Variants in ABL1 observed in about 807,000 individuals in gnomAD.
The protein encoded by ABL1 is ABL proto-oncogene 1, non-receptor tyrosine kinase, also known as tyrosine-protein kinase ABL1.
In ABL1, 11 loss-of-function variants were observed where a neutral mutation model predicts 94.7. The ratio of observed to expected loss-of-function variants is 0.12; its 90% CI spans 0.07 to 0.19. The LOEUF (loss-of-function observed/expected upper bound fraction) is 0.19. Among genes scored for constraint, ABL1 ranks in the 10% least tolerant of loss-of-function variants. The pLI is 1.00. For synonymous variants in ABL1, 656 were observed against 622.4 expected (o/e 1.05, Z -0.80); for missense variants, 1,082 against 1,489.4 (o/e 0.73, Z 4.50).
At chr9:130,796,920 C>CAAAAAAAAAAAA (rs10607745) in intron 1 of ABL1, among the ~76,000 whole-genome samples, 3 of 60,764 alleles carry the variant, frequency 4.9e-5, no homozygotes, top group African/African-American at 1.7e-4. Context: ...AACTTCATCT[C>CAAAAAAAAAAAA]AAAAAAAAAA....
intron 1 of ABL1, among the ~76,000 whole-genome samples, chr9:130,757,759 T>C (rs1265160718): frequency 6.6e-6 from 1 of 152,030 alleles, no homozygotes; most frequent in East Asian, 1.9e-4. Flanking sequence ...GCCAGGCTAG[T>C]CTCGATCTCC....
rs1194508848 is a variant in ABL1 at position 130,762,141 on chromosome 9, G to T, written c.136+47686G>T. On this transcript the variant is annotated intron_variant, in intron 1 of 10. Transcript: ENST00000372348. ...CTGGGCAACAAGAGCGAAACTCCCA[G>T]CTCAAAAAAAAAAAAAAATTCACAA... Among the ~76,000 whole-genome samples, 4 of 15,842 alleles carry T rather than the reference G, an allele frequency of 2.5e-4. No homozygotes were observed. The South Asian group carries it at 0.015, about 58-fold the overall frequency. 10.4% of individuals were successfully genotyped at this position (15,842 alleles called of 152,430 possible). A position where few individuals can be genotyped will look rare whatever the true frequency, so the allele number is the denominator to read the frequency against.
intron 1 of ABL1, among the ~76,000 whole-genome samples, chr9:130,802,112 A>C (rs1554765252): frequency 1.1e-5 from 1 of 87,484 alleles, no homozygotes; most frequent in Admixed American, 1.1e-4. Context: ...TTTTTTTTTG[A>C]AATGGTCTCT....
At chr9:130,827,964 T>TAA (rs61348238) in intron 1 of ABL1, among the ~76,000 whole-genome samples, 40 of 146,264 alleles carry the variant, frequency 2.7e-4, no homozygotes, top group African/African-American at 2.5e-4. Context: ...AAATACTGCT[T>TAA]AAAAAAAAAA....
intron 1 of ABL1, among the ~76,000 whole-genome samples, chr9:130,779,368 A>G (rs1294560841): frequency 1.3e-5 from 2 of 152,222 alleles, no homozygotes; most frequent in African/African-American, 4.8e-5. Context: ...CATGATGGCA[A>G]GGTTGTTTAC....
chr9:130,761,348 G>A (rs1174109765), intron 1 of ABL1, among the ~76,000 whole-genome samples: 1 of 152,034 alleles, frequency 6.6e-6, no homozygotes, highest in Non-Finnish European at 1.5e-5. Flanking sequence ...TGGGAGAATG[G>A]CATCTCTCTT....
At chr9:130,883,861 C>A in intron 10 of ABL1, 108 bp from the exon 11 acceptor site, 1 of 1,359,226 alleles carries the variant, frequency 7.4e-7, no homozygotes, top group Non-Finnish European at 1.0e-6. Flanking sequence ...CACTCTGTCT[C>A]CTGGGCTGGA....
At chr9:130,810,056 T>C (rs976486454) in intron 1 of ABL1, among the ~76,000 whole-genome samples, 1 of 152,168 alleles carries the variant, frequency 6.6e-6, no homozygotes, top group Non-Finnish European at 1.5e-5. Context: ...AATTACTAGG[T>C]ATGAGCAGAA....
chr9:130,732,443 G>A (rs1323160710), intron 1 of ABL1, among the ~76,000 whole-genome samples: 1 of 152,140 alleles, frequency 6.6e-6, no homozygotes. Context: ...GGAGCCAGCA[G>A]TATCCTTTAT....
intron 1 of ABL1, chr9:130,724,637 C>T (rs1168309233): frequency 3.9e-6 from 1 of 254,290 alleles, no homozygotes; most frequent in Non-Finnish European, 8.2e-6. Flanking sequence ...TGGTGAAAAC[C>T]CATCTTTACT....
In ABL1 at chr9:130,884,130, C is replaced by T. The variant is rs2133034871; in HGVS notation, c.1840C>T (p.Pro614Ser). The T allele has an allele frequency of 6.2e-7, 1 of 1,613,712 alleles. No homozygotes were observed. The highest frequency in any genetic ancestry group is 8.5e-7 in the Non-Finnish European group (1 of 1,180,048). ...GAAGAAGAAGAAGACAGCCCCAACC[C>T]CTCCCAAACGCAGCAGCTCCTTCCG... ...IKKKKKTAPT[P>S]PKRSSSFREM... Residue 614 changes from proline to serine, a missense_variant, in exon 11 of 11, where the codon CCT (proline) becomes TCT (serine). Coordinates refer to ENST00000318560, the MANE Select transcript of ABL1 (RefSeq NM_005157.6). The surrounding 1 kb of genome is among the most constrained non-coding windows in gnomAD (Gnocchi z 5.6).
intron 1 of ABL1, among the ~76,000 whole-genome samples, chr9:130,722,508 G>A (rs1476820765): frequency 6.6e-6 from 1 of 152,152 alleles, no homozygotes; most frequent in Non-Finnish European, 1.5e-5. Context: ...CTTTATTTTA[G>A]AGACAGGGTC....
intron 1 of ABL1, among the ~76,000 whole-genome samples, chr9:130,779,824 C>T (rs1204103756): frequency 6.6e-6 from 1 of 152,098 alleles, no homozygotes; most frequent in East Asian, 1.9e-4. Flanking sequence ...GGTGAAGTTG[C>T]ATCTGATTTT....
At chr9:130,771,860 C>CA (rs1832257550) in intron 1 of ABL1, among the ~76,000 whole-genome samples, 1 of 151,242 alleles carries the variant, frequency 6.6e-6, no homozygotes, top group Non-Finnish European at 1.5e-5. Context: ...CTCAAGCAAT[C>CA]CTCCCACCTC....
At position 130,885,541 on chromosome 9, in the gene ABL1, G is replaced by A. The variant is rs1414848177; in HGVS notation, c.3251G>A (p.Arg1084Gln). 1.2e-6 allele frequency: 2 copies of A among 1,614,022 alleles called. No homozygotes were observed. Among genetic ancestry groups the A allele is most frequent in the Non-Finnish European group, 1.7e-6 (2 of 1,180,058 alleles). Residue 1084 changes from arginine to glutamine, a missense_variant, in exon 11 of 11, where the codon CGA (arginine) becomes CAA (glutamine). Arg to Gln is a conservative substitution (Grantham distance 43). Coordinates refer to ENST00000318560, the MANE Select transcript of ABL1 (RefSeq NM_005157.6). ...IQQMRNKFAF[R>Q]EAINKLENNL... is the part of the protein sequence containing the mutation. ...CAAATGAGGAACAAGTTTGCCTTCC[G>A]AGAGGCCATCAACAAACTGGAGAAT...
chr9:130,830,379 A>G (rs1280989251), upstream of ABL1, among the ~76,000 whole-genome samples: 1 of 152,168 alleles, frequency 6.6e-6, no homozygotes, highest in African/African-American at 2.4e-5. Context: ...ATGGGTCTGA[A>G]TTAGGCCCCC....
rs992804898 is a variant in ABL1, at chr9:130,877,069, A to G, written c.1271-1346A>G. Among the ~76,000 whole-genome samples the G allele has an allele frequency of 8.8e-5, 13 of 148,080 alleles. 1 individual carries two copies. Among genetic ancestry groups the G allele is most frequent in the Middle Eastern group, 6.9e-3 (2 of 290 alleles). ...GGTTTTTGCTGTCATTGGTGGTATTATGAACTCTCAGATTTATATATATCT... is the reference window on the plus strand; with the variant it reads ...GGTTTTTGCTGTCATTGGTGGTATTGTGAACTCTCAGATTTATATATATCT... On this transcript the variant is annotated intron_variant, in intron 7 of 10. Transcript: ENST00000318560.
At chr9:130,875,858 G>A (rs969617826) in intron 7 of ABL1, among the ~76,000 whole-genome samples, 1 of 151,040 alleles carries the variant, frequency 6.6e-6, no homozygotes, top group Non-Finnish European at 1.5e-5. Context: ...ACGGAGTTTC[G>A]CTCTTGTTGC....
chr9:130,871,835 A>G (rs1466566799), intron 4 of ABL1, among the ~76,000 whole-genome samples: 1 of 152,222 alleles, frequency 6.6e-6, no homozygotes, highest in African/African-American at 2.4e-5. Context: ...GAGGTGGGGA[A>G]GCACATGTGG....
Sources: gnomAD v4.1 joint callset for allele counts (sites outside exome capture counted in the v4.1 genomes callset) on GRCh38, gnomAD v4.1.1 for gene constraint, Gnocchi (gnomAD v3.1) non-coding constraint, MANE v1.5 for transcripts, NCBI Gene and HGNC (gene_info 2026-07-23, HGNC 2026-07-21) for gene names.